Variants in DCP2 observed in about 807,000 individuals in gnomAD.
DCP2 encodes the protein decapping mRNA 2, also known as m7GpppN-mRNA hydrolase.
Under a neutral mutation model 56.1 loss-of-function variants are expected in DCP2, and 30 were observed. The observed-to-expected ratio is 0.53, with a 90% CI of 0.40 to 0.73. The LOEUF (loss-of-function observed/expected upper bound fraction) is 0.73, where lower values mean the gene tolerates loss of function less well. DCP2 is among the 30% of genes least tolerant of loss of function. The pLI, the probability that DCP2 is intolerant of heterozygous loss-of-function variation, is 0.00. For missense variants in DCP2, 533 were observed against 502.7 expected (o/e 1.06, Z -0.58); for synonymous variants, 197 against 163.3 (o/e 1.21, Z -1.57).
In DCP2 at chr5:113,001,124, G is replaced by A; in HGVS notation, c.473G>A (p.Cys158Tyr). The A allele has an allele frequency of 6.2e-7, 1 of 1,613,146 alleles. No individual in the cohort carries two copies. The highest frequency in any genetic ancestry group is 2.2e-5 in the East Asian group (1 of 44,828). The change falls in exon 5 of 11, where the codon TGT becomes TAT. Residue 158 changes from cysteine to tyrosine, a missense_variant. Transcript: ENST00000389063. Reference sequence around the variant, plus strand: ...GGTTTTGATATCAAAGACTATATTTGTAAGGATGATTACATTGAACTTCGA... The same window carrying A: ...GGTTTTGATATCAAAGACTATATTTATAAGGATGATTACATTGAACTTCGA... ...ETGFDIKDYI[C>Y]KDDYIELRIN... is the part of the protein sequence containing the mutation.
Position 112,992,166 on chromosome 5 carries a change from A to G in DCP2, c.251A>G (p.Glu84Gly). ...TTGCTGCCTCAAGGTGAAGATGTGG[A>G]AAAAGTTTTGGATGAATGGAAGGAA... ...PFLLPQGEDV[E>G]KVLDEWKEYK... The change falls in exon 3 of 11, where the codon GAA becomes GGA. Residue 84 changes from glutamate (E) to glycine (G), a missense_variant. Around this residue, in one of 3 missense-constraint regions of DCP2, gnomAD observed 137 missense variants for 138.2 expected, o/e 0.99. Transcript: ENST00000389063. 1 of 1,613,962 alleles carries G rather than the reference A, an allele frequency of 6.2e-7. No individual in the cohort carries two copies. The highest frequency in any genetic ancestry group is 8.5e-7 in the Non-Finnish European group (1 of 1,179,970).
chr5:112,977,940 T>A (rs1399923268), intron 1 of DCP2, among the ~76,000 whole-genome samples: 1 of 142,200 alleles, frequency 7.0e-6, no homozygotes, highest in Non-Finnish European at 1.5e-5. Context: ...AGAACTGGTG[T>A]TTGTGGAGTT....
rs1203067588 is a variant in DCP2, at chr5:113,014,513, A to G, written c.*1029A>G. 1.3e-5 allele frequency: 2 copies of G among 152,650 alleles called. No homozygotes were observed. Among genetic ancestry groups the G allele is most frequent in the African/African-American group, 4.8e-5 (2 of 41,452 alleles). 9.5% of individuals were successfully genotyped at this position (152,650 alleles called of 1,614,324 possible). On this transcript the variant is annotated 3_prime_UTR_variant, in exon 11 of 11. Transcript: ENST00000389063. ...GGGTATGCAGTTTACCCAAGTCCAA[A>G]TAAAGCATTTCACTAGGTTACACGT...
chr5:112,997,727 G>A (rs904999425), intron 4 of DCP2, among the ~76,000 whole-genome samples: 3 of 151,228 alleles, frequency 2.0e-5, no homozygotes, highest in African/African-American at 7.3e-5. Flanking sequence ...TGATTCTCCT[G>A]TCTCAGCATC....
At chr5:112,992,967 T>C (rs939533367) in intron 4 of DCP2, among the ~76,000 whole-genome samples, 197 bp downstream of exon 4, 10 of 152,152 alleles carry the variant, frequency 6.6e-5, no homozygotes, top group Admixed American at 6.5e-4. Flanking sequence ...TCTTATCTGT[T>C]CCCATTTTTT....
intron 1 of DCP2, among the ~76,000 whole-genome samples, chr5:112,980,466 C>T (rs145848173): frequency 6.3e-4 from 96 of 152,308 alleles, no homozygotes; most frequent in African/African-American, 2.2e-3. Context: ...TTTGTAGGAA[C>T]ACTGAGAAAA....
intron 2 of DCP2, among the ~76,000 whole-genome samples, chr5:112,987,519 C>G (rs970907859): frequency 1.3e-5 from 2 of 150,108 alleles, no homozygotes; most frequent in Middle Eastern, 3.2e-3. Flanking sequence ...GTGGTGTGAT[C>G]TTGGCTCACT....
At chr5:112,980,698 G>A (rs978837481) in intron 1 of DCP2, among the ~76,000 whole-genome samples, 3 of 152,078 alleles carry the variant, frequency 2.0e-5, no homozygotes, top group African/African-American at 7.2e-5. Context: ...ATGTAATCAT[G>A]TACATGGTTT....
chr5:112,986,125 T>C, intron 2 of DCP2, 139 bp downstream of exon 2: 1 of 731,740 alleles, frequency 1.4e-6, no homozygotes, highest in Non-Finnish European at 2.1e-6. Flanking sequence ...CAAACATAAA[T>C]AGTAGACACA....
intron 1 of DCP2, among the ~76,000 whole-genome samples, chr5:112,980,477 TA>T (rs1747950618): frequency 6.6e-6 from 1 of 152,226 alleles, no homozygotes; most frequent in Non-Finnish European, 1.5e-5. Context: ...ACTGAGAAAA[TA>T]ACATTTCGTG....
At chr5:113,012,232 T>C (rs1312057326) in intron 10 of DCP2, among the ~76,000 whole-genome samples, 1 of 152,146 alleles carries the variant, frequency 6.6e-6, no homozygotes, top group Non-Finnish European at 1.5e-5. Flanking sequence ...TGGTGGCACA[T>C]ACCTGTAGTC....
intron 1 of DCP2, among the ~76,000 whole-genome samples, chr5:112,979,973 T>C (rs1018291102): frequency 6.6e-6 from 1 of 152,214 alleles, no homozygotes; most frequent in African/African-American, 2.4e-5. Flanking sequence ...CTGGTTACTT[T>C]CTGAGTGGAG....
Position 112,991,304 on chromosome 5 carries a change from C to T in DCP2, c.206-817C>T, listed in dbSNP as rs1047207331. Among the ~76,000 whole-genome samples the T allele has an allele frequency of 2.6e-5, 4 of 152,148 alleles. No individual in the cohort carries two copies. In the South Asian group the frequency reaches 8.3e-4, roughly 31 times the overall value. On this transcript the variant is annotated intron_variant, in intron 2 of 10. Coordinates refer to ENST00000389063, the MANE Select transcript of DCP2 (RefSeq NM_152624.6). ...AGATACTATCATAAATTATCATTTT[C>T]TCTATGCTTTTTTAAAATTAACAGT...
In DCP2 at chr5:112,994,525, CA is replaced by C. The variant is rs559808754; in HGVS notation, c.432+1756del. ...AATCTTACCAGTCAGCTCTAGCAAACAGTAGTGTTAGTCTCTGAACTTCAAT... is the reference window on the plus strand; with the variant it reads ...AATCTTACCAGTCAGCTCTAGCAAACGTAGTGTTAGTCTCTGAACTTCAAT... On this transcript the variant is annotated intron_variant, in intron 4 of 10. Coordinates refer to ENST00000389063, the MANE Select transcript of DCP2 (RefSeq NM_152624.6). Among the ~76,000 whole-genome samples the C allele has an allele frequency of 1.4e-4, 21 of 152,252 alleles. No homozygotes were observed. In the South Asian group the frequency reaches 4.4e-3, roughly 32 times the overall value.
chr5:113,013,391 A>G lies in DCP2; in HGVS notation c.1170A>G (p.Ala390=). The change falls in exon 11 of 11, where the codon GCA becomes GCG. Residue 390 remains alanine, a synonymous_variant. Coordinates refer to ENST00000389063, the MANE Select transcript of DCP2 (RefSeq NM_152624.6). ...LLEHAEGQPV[A]CNGHCKFPFS... ...AACATGCTGAGGGACAGCCCGTGGC[A>G]TGTAATGGACATTGCAAGTTCCCCT... The G allele has an allele frequency of 1.2e-6, 2 of 1,614,178 alleles. No individual in the cohort carries two copies. Among genetic ancestry groups the G allele is most frequent in the Non-Finnish European group, 1.7e-6 (2 of 1,180,002 alleles).
intron 2 of DCP2, among the ~76,000 whole-genome samples, chr5:112,987,048 A>G (rs987224401): frequency 6.6e-6 from 1 of 152,170 alleles, no homozygotes; most frequent in Non-Finnish European, 1.5e-5. Context: ...TTCTTTCCCC[A>G]TGTACATATC....
intron 2 of DCP2, among the ~76,000 whole-genome samples, chr5:112,986,306 A>G (rs189267258): frequency 1.5e-4 from 23 of 151,508 alleles, no homozygotes; most frequent in Non-Finnish European, 3.4e-4. Flanking sequence ...TTTTAATCAG[A>G]TTACTGCCTT....
chr5:113,018,749 A>G lies in DCP2; in HGVS notation c.*5265A>G, dbSNP rs1049750552. Reference sequence around the variant, plus strand: ...TTTTCTTGGTGTGACTGGCCAGGAAAAAGTCCATTGAGTCCTTTTTTTCTC... The same window carrying G: ...TTTTCTTGGTGTGACTGGCCAGGAAGAAGTCCATTGAGTCCTTTTTTTCTC... On this transcript the variant is annotated 3_prime_UTR_variant, in exon 11 of 11. Transcript: ENST00000389063. 2 of 152,212 alleles carry G rather than the reference A, an allele frequency of 1.3e-5. No individual in the cohort carries two copies. The highest frequency in any genetic ancestry group is 2.1e-4 in the South Asian group (1 of 4,830). The allele number at this position is 152,212 out of a possible 1,614,324, so 9.4% of individuals were successfully genotyped here.
intron 1 of DCP2, 114 bp downstream of exon 1, chr5:112,977,100 C>G: frequency 1.3e-6 from 1 of 748,014 alleles, no homozygotes; most frequent in South Asian, 2.7e-5. Flanking sequence ...CTTTCCGCTC[C>G]CGCCGCTGCT....
Sources: allele counts gnomAD v4.1 joint callset (sites outside exome capture counted in the v4.1 genomes callset), GRCh38; gene constraint gnomAD v4.1.1; regional missense constraint gnomAD v4.1.1; transcripts MANE v1.5; gene names NCBI Gene and HGNC (gene_info 2026-07-23, HGNC 2026-07-21).